Variants in SAMSN1 observed in about 807,000 individuals in gnomAD.
The protein encoded by SAMSN1 is SAM domain, SH3 domain and nuclear localization signals 1.
SAMSN1 carries 31 observed loss-of-function variants against 42.0 expected under a neutral mutation model. The observed-to-expected ratio is 0.74, with a 90% confidence interval of 0.55 to 1.00. The LOEUF (loss-of-function observed/expected upper bound fraction) is 1.00, where lower values mean the gene tolerates loss of function less well. Ranked by LOEUF, SAMSN1 falls within the 50% of genes least tolerant of loss-of-function variation. The pLI, the probability that SAMSN1 is intolerant of heterozygous loss-of-function variation, is 0.00. For missense variants in SAMSN1, 464 were observed against 439.4 expected, an observed-to-expected ratio of 1.06 and a Z score of -0.50; for synonymous variants, 178 against 151.9, an observed-to-expected ratio of 1.17 and a Z score of -1.26.
intron 2 of SAMSN1, among the ~76,000 whole-genome samples, chr21:14,555,593 A>C (rs144988338): frequency 3.0e-4 from 46 of 152,272 alleles, no homozygotes; most frequent in African/African-American, 1.1e-3. Context: ...AAGCCTTTCC[A>C]TTGAAGCCCA....
intron 1 of SAMSN1, among the ~76,000 whole-genome samples, chr21:14,657,622 A>G (rs1983937810): frequency 6.6e-6 from 1 of 151,888 alleles, no homozygotes. Context: ...GTATATTCAT[A>G]TAAACCACAT....
At chr21:14,510,195 T>C in intron 5 of SAMSN1, 115 bp downstream of exon 5, 2 of 984,656 alleles carry the variant, frequency 2.0e-6, no homozygotes, top group Non-Finnish European at 1.6e-6. Flanking sequence ...CCTCCACTTC[T>C]ACTGTTGGGA....
At chr21:14,527,173 A>G (rs1013145847) in intron 1 of SAMSN1, among the ~76,000 whole-genome samples, 2 of 152,232 alleles carry the variant, frequency 1.3e-5, no homozygotes, top group Non-Finnish European at 2.9e-5. Context: ...CTCAAAGATC[A>G]GAATTCTGTT....
chr21:14,517,787 A>T (rs1261423476), intron 2 of SAMSN1, among the ~76,000 whole-genome samples: 1 of 152,026 alleles, frequency 6.6e-6, no homozygotes, highest in African/African-American at 2.4e-5. Context: ...ATAACATAAA[A>T]TAATGTTCTG....
At chr21:14,490,179 A>C (rs1459366784) in intron 7 of SAMSN1, among the ~76,000 whole-genome samples, 1 of 152,174 alleles carries the variant, frequency 6.6e-6, no homozygotes, top group African/African-American at 2.4e-5. Flanking sequence ...TACAACCTTA[A>C]AGGCATAGGA....
At position 14,498,601 on chromosome 21, in the gene SAMSN1, C is replaced by T. The variant is rs777799242; in HGVS notation, c.769-9G>A. 1.3e-6 allele frequency: 2 copies of T among 1,546,174 alleles called. No individual in the cohort carries two copies. The highest frequency in any genetic ancestry group is 1.4e-5 in the African/African-American group (1 of 70,738). ...AGTGTTGAGGTGTATTCCTGTAAGACAAAAAATATAAAGCAAATTAGTCAG... is the reference window on the plus strand; with the variant it reads ...AGTGTTGAGGTGTATTCCTGTAAGATAAAAAATATAAAGCAAATTAGTCAG... On this transcript the variant is annotated splice_polypyrimidine_tract_variant and intron_variant, in intron 6 of 7. Coordinates refer to ENST00000400566, the MANE Select transcript of SAMSN1 (RefSeq NM_022136.5).
At chr21:14,516,668 GGT>G (rs1987933401) in intron 3 of SAMSN1, among the ~76,000 whole-genome samples, 1 of 152,166 alleles carries the variant, frequency 6.6e-6, no homozygotes, top group South Asian at 2.1e-4. Flanking sequence ...TCGGATTACA[GGT>G]GTGAGCCACT....
chr21:14,588,172 G>A (rs2123264198), upstream of SAMSN1, among the ~76,000 whole-genome samples: 1 of 130,684 alleles, frequency 7.7e-6, no homozygotes, highest in Non-Finnish European at 1.6e-5. Flanking sequence ...TTGGTTCCAA[G>A]TCTTTGCTAT....
intron 1 of SAMSN1, among the ~76,000 whole-genome samples, chr21:14,528,847 C>T (rs947314094): frequency 1.2e-4 from 19 of 152,112 alleles, no homozygotes; most frequent in Non-Finnish European, 1.0e-4. Context: ...TTGCCATGAC[C>T]GTTACCGAGA....
rs1486975761 is a variant in SAMSN1, at chr21:14,546,224, T to G, written c.38A>C (p.Glu13Ala). 4 of 1,613,292 alleles carry G rather than the reference T, an allele frequency of 2.5e-6. No homozygotes were observed. The highest frequency in any genetic ancestry group is 3.3e-5 in the Admixed American group (2 of 59,938). The change falls in exon 1 of 8, where the codon GAG becomes GCG. Residue 13 changes from glutamate to alanine, a missense_variant. Transcript: ENST00000400566. Reference protein sequence around the residue: ...KRKPSNVSEKEKHQKPKRSSS... With the variant: ...KRKPSNVSEKAKHQKPKRSSS... ...CCTTACCTTTGGTTTTTGATGTTTC[T>G]CCTTCTCTGAAACATTGGATGGCTT...
At chr21:14,612,100 G>T (rs1272017874) in intron 4 of SAMSN1, among the ~76,000 whole-genome samples, 1 of 152,170 alleles carries the variant, frequency 6.6e-6, no homozygotes, top group Non-Finnish European at 1.5e-5. Flanking sequence ...GGGTGTGATG[G>T]CACGCGCCTG....
Position 14,521,162 on chromosome 21 carries a change from A to G in SAMSN1, c.117T>C (p.Asp39=), listed in dbSNP as rs1386404542. 6.2e-7 allele frequency: 1 copy of G among 1,607,608 alleles called. No homozygotes were observed. The highest frequency in any genetic ancestry group is 8.5e-7 in the Non-Finnish European group (1 of 1,175,192). ...ATAAACTACGAACCTCAGTTGAATC[A>G]TCTGGTTTTGATAAAGAATTATTCC... is the stretch of plus-strand genomic sequence containing the variant. ...RFRNNSLSKP[D]DSTEAHEGDP... The change falls in exon 2 of 8, where the codon GAT becomes GAC. Residue 39 remains aspartate, a synonymous_variant. Transcript: ENST00000400566.
At chr21:14,635,565 G>A (rs1001056776) in intron 2 of SAMSN1, among the ~76,000 whole-genome samples, 1 of 152,072 alleles carries the variant, frequency 6.6e-6, no homozygotes, top group Non-Finnish European at 1.5e-5. Flanking sequence ...GCTTCTTCTT[G>A]TCCAGTAAAA....
At position 14,615,742 on chromosome 21, in the gene SAMSN1, GA is replaced by G. The variant is rs376000646; in HGVS notation, c.197+233del. On this transcript the variant is annotated intron_variant, in intron 3 of 15. Transcript: ENST00000647101. The stretch of plus-strand genomic sequence containing the variant: ...CCTGGTTTAGACACATGTTTCTTCT[GA>G]AAAATTTAATTTGCACATCCCTGTC... Among the ~76,000 whole-genome samples the G allele has an allele frequency of 7.7e-4, 116 of 151,362 alleles. 1 individual carries two copies. In the South Asian group the frequency reaches 8.3e-3, roughly 11 times the overall value.
chr21:14,592,716 C>A, intron 7 of SAMSN1: 1 of 248,390 alleles, frequency 4.0e-6, no homozygotes, highest in South Asian at 3.7e-5. Flanking sequence ...GAAATATTCT[C>A]TACTCCAACA....
chr21:14,524,751 A>C (rs1978729509), intron 1 of SAMSN1, among the ~76,000 whole-genome samples: 1 of 152,198 alleles, frequency 6.6e-6, no homozygotes, highest in Admixed American at 6.5e-5. Context: ...ACATCCACAC[A>C]ATGCAAATGT....
intron 2 of SAMSN1, chr21:14,619,811 A>T (rs1401062683): frequency 5.4e-6 from 1 of 186,620 alleles, no homozygotes; most frequent in Non-Finnish European, 1.3e-5. Flanking sequence ...GTGTAGAAAT[A>T]TGATTGGAAG....
At chr21:14,566,539 T>C (rs976961206) in intron 2 of SAMSN1, among the ~76,000 whole-genome samples, 2 of 151,878 alleles carry the variant, frequency 1.3e-5, no homozygotes, top group African/African-American at 4.8e-5. Flanking sequence ...CATATATATA[T>C]ATAAAATTTT....
intron 3 of SAMSN1, among the ~76,000 whole-genome samples, chr21:14,516,171 G>A (rs1042462413): frequency 4.6e-5 from 7 of 152,088 alleles, no homozygotes; most frequent in Non-Finnish European, 1.0e-4. Flanking sequence ...CACAAAAATT[G>A]AACAGAAGTA....
Sources: gnomAD v4.1 joint callset for allele counts (sites outside exome capture counted in the v4.1 genomes callset) on GRCh38, gnomAD v4.1.1 for gene constraint, MANE v1.5 for transcripts, NCBI Gene and HGNC (gene_info 2026-07-23, HGNC 2026-07-21) for gene names.